Variants in MEI4 observed in about 807,000 individuals in gnomAD.
MEI4 encodes the protein meiotic double-stranded break formation protein 4, also known as meiosis-specific protein MEI4.
Under a neutral mutation model 31.4 loss-of-function variants are expected in MEI4, and 27 were observed. The ratio of observed to expected loss-of-function variants is 0.86; its 90% confidence interval spans 0.63 to 1.19. The LOEUF is 1.19. Among genes scored for constraint, MEI4 ranks in the 50% most tolerant of loss-of-function variants. The probability of loss-of-function intolerance (pLI) is 0.00; values close to 1 mark genes in which losing one functional copy is unlikely to be tolerated. For missense variants in MEI4, 329 were observed against 398.9 expected (o/e 0.82, Z 1.49); for synonymous variants, 122 against 145.4 (o/e 0.84, Z 1.16).
chr6:77,830,251 A>G (rs1334782969), intron 4 of MEI4, among the ~76,000 whole-genome samples: 1 of 152,084 alleles, frequency 6.6e-6, no homozygotes, highest in Non-Finnish European at 1.5e-5. Context: ...GAGATGCTGA[A>G]GAGTCTGGGG....
chr6:77,744,591 A>C (rs1233210206), intron 2 of MEI4, among the ~76,000 whole-genome samples: 2 of 152,230 alleles, frequency 1.3e-5, no homozygotes, highest in African/African-American at 2.4e-5. Flanking sequence ...AAGGCAGGCC[A>C]ACATTCAGAT....
intron 4 of MEI4, among the ~76,000 whole-genome samples, chr6:77,912,614 G>A (rs1003400305): frequency 1.3e-5 from 2 of 151,930 alleles, no homozygotes; most frequent in East Asian, 1.9e-4. Context: ...TTCTCAATAA[G>A]TTGGTTATTA....
At chr6:77,696,417 T>G (rs544466760) in intron 2 of MEI4, among the ~76,000 whole-genome samples, 28 of 152,340 alleles carry the variant, frequency 1.8e-4, no homozygotes, top group African/African-American at 6.7e-4. Flanking sequence ...TAGACAGCTC[T>G]TATTATTTTG....
At chr6:77,659,236 A>G (rs971822921) in intron 1 of MEI4, among the ~76,000 whole-genome samples, 12 of 152,260 alleles carry the variant, frequency 7.9e-5, no homozygotes, top group Non-Finnish European at 4.4e-5. Flanking sequence ...TGTCGGTGTC[A>G]TGAGGGGAAC....
intron 4 of MEI4, among the ~76,000 whole-genome samples, chr6:77,919,074 CATT>C (rs2127741820): frequency 6.6e-6 from 1 of 152,114 alleles, no homozygotes. Context: ...CCACTGTCAA[CATT>C]AGACAGATCA....
chr6:77,904,979 A>T (rs1766261549), intron 4 of MEI4, among the ~76,000 whole-genome samples: 1 of 152,098 alleles, frequency 6.6e-6, no homozygotes, highest in African/African-American at 2.4e-5. Flanking sequence ...CTTTATGCTT[A>T]CTTTTTACCA....
intron 4 of MEI4, among the ~76,000 whole-genome samples, chr6:77,869,880 A>G (rs1413796018): frequency 6.6e-6 from 1 of 152,140 alleles, no homozygotes; most frequent in East Asian, 1.9e-4. Flanking sequence ...GGCTGATTGG[A>G]TGGGTAAAAG....
chr6:77,874,784 G>A (rs1207189091), intron 4 of MEI4, among the ~76,000 whole-genome samples: 2 of 152,080 alleles, frequency 1.3e-5, no homozygotes, highest in Non-Finnish European at 2.9e-5. Flanking sequence ...TGTCCCATCA[G>A]TACCTAATTT....
At position 77,783,224 on chromosome 6, in the gene MEI4, A is replaced by G. The variant is rs16889403; in HGVS notation, c.768+21559A>G. Among the ~76,000 whole-genome samples, 1,002 of 152,334 alleles carry G rather than the reference A, an allele frequency of 6.6e-3. 40 individuals carry two copies. The highest frequency in any genetic ancestry group is 0.056 in the Admixed American group (852 of 15,286). The stretch of plus-strand genomic sequence containing the variant: ...TATCTAAGAGAAACAAGTCAATTGG[A>G]TGAATCCTGGGATGCAGGTGAGCAT... On this transcript the variant is annotated intron_variant, in intron 3 of 4. Transcript: ENST00000684080.
At chr6:77,659,939 A>G (rs112613028) in intron 1 of MEI4, among the ~76,000 whole-genome samples, 47 of 148,114 alleles carry the variant, frequency 3.2e-4, no homozygotes, top group Middle Eastern at 3.7e-3. Flanking sequence ...GGGGGAGTAG[A>G]GTTAATATAA....
chr6:77,824,976 T>G (rs1769908285), intron 3 of MEI4, among the ~76,000 whole-genome samples: 1 of 152,174 alleles, frequency 6.6e-6, no homozygotes, highest in Admixed American at 6.5e-5. Flanking sequence ...ACTTGTTCAC[T>G]TGTTCAGTGA....
rs1766758777 is a variant in MEI4, at chr6:77,923,430, T to G, written c.*84T>G. On this transcript the variant is annotated 3_prime_UTR_variant, in exon 5 of 5. Coordinates refer to ENST00000684080, the MANE Select transcript of MEI4 (RefSeq NM_001322247.2). ...CTCATACTGAAAAGATTTTCAATAG[T>G]ATTTTAATTAGCATTTTAGAATTGA... 9.8e-7 allele frequency: 1 copy of G among 1,023,402 alleles called. No homozygotes were observed. The highest frequency in any genetic ancestry group is 1.7e-5 in the African/African-American group (1 of 59,770). The allele number at this position is 1,023,402 out of a possible 1,614,324, so 63.4% of individuals were successfully genotyped here.
chr6:77,872,166 G>C (rs1771211245), intron 4 of MEI4, among the ~76,000 whole-genome samples: 1 of 152,116 alleles, frequency 6.6e-6, no homozygotes, highest in Admixed American at 6.5e-5. Flanking sequence ...TAATAGCTTT[G>C]TATTTTTACC....
chr6:77,779,154 T>C (rs1768530937), intron 3 of MEI4, among the ~76,000 whole-genome samples: 1 of 152,088 alleles, frequency 6.6e-6, no homozygotes, highest in Admixed American at 6.6e-5. Flanking sequence ...CATTTAGTGG[T>C]CATGTAGAGA....
intron 4 of MEI4, among the ~76,000 whole-genome samples, chr6:77,922,727 C>G (rs1766733474): frequency 6.6e-6 from 1 of 151,548 alleles, no homozygotes; most frequent in Admixed American, 6.6e-5. Context: ...AAATAAGTAC[C>G]ATGAATTCAA....
intron 2 of MEI4, among the ~76,000 whole-genome samples, chr6:77,737,918 A>G (rs1400755857): frequency 6.6e-6 from 1 of 152,230 alleles, no homozygotes; most frequent in Non-Finnish European, 1.5e-5. Flanking sequence ...ATGAGGTTTC[A>G]GCTTCTGAAG....
chr6:77,725,121 CA>C (rs1766792152), intron 2 of MEI4, among the ~76,000 whole-genome samples: 1 of 101,230 alleles, frequency 9.9e-6, no homozygotes, highest in Non-Finnish European at 2.1e-5. Context: ...TTCTGGAAAC[CA>C]TGGGCAAAAT....
chr6:77,726,769 TAGGATGCTAGCA>T (rs1766833534), intron 2 of MEI4, among the ~76,000 whole-genome samples: 1 of 152,074 alleles, frequency 6.6e-6, no homozygotes, highest in African/African-American at 2.4e-5. Context: ...GAGAATGGAC[TAGGATGCTAGCA>T]AGGCTAAAGG....
intron 3 of MEI4, among the ~76,000 whole-genome samples, chr6:77,803,272 G>T (rs1232809106): frequency 6.6e-6 from 1 of 152,074 alleles, no homozygotes; most frequent in Non-Finnish European, 1.5e-5. Flanking sequence ...ATCGGCTACT[G>T]AGGCTTGTGC....
Sources: allele counts gnomAD v4.1 joint callset (sites outside exome capture counted in the v4.1 genomes callset), GRCh38; gene constraint gnomAD v4.1.1; transcripts MANE v1.5; gene names NCBI Gene and HGNC (gene_info 2026-07-23, HGNC 2026-07-21).